The following DST variants were observed in gnomAD, a reference collection of about 807,000 sequenced individuals.
DST encodes bullous pemphigoid antigen.
In DST, 253 loss-of-function variants were observed where a neutral mutation model predicts 875.2. The ratio of observed to expected loss-of-function variants is 0.29; its 90% CI spans 0.26 to 0.32. DST has a LOEUF of 0.32. DST is among the 10% of genes least tolerant of loss of function. The probability of loss-of-function intolerance (pLI) is 1.00; values close to 1 mark genes in which losing one functional copy is unlikely to be tolerated. For synonymous variants in DST, 3,124 were observed against 3,197.1 expected, an observed-to-expected ratio of 0.98 and a Z score of 0.77; for missense variants, 8,287 against 9,111.6, an observed-to-expected ratio of 0.91 and a Z score of 3.68.
At position 56,610,513 on chromosome 6, in the gene DST, G is replaced by A; in HGVS notation, c.5197C>T (p.Gln1733Ter). Residue 1733 changes from glutamine (Q) to a stop codon, truncating the protein, a stop_gained, in exon 39 of 104, where the codon CAG becomes TAG. Transcript: ENST00000680361. LOFTEE classifies it high-confidence loss of function. ...NELEKQVKTLQESYNLLFSES... is the reference protein window; with the variant it reads ...NELEKQVKTL ...CTGAATAATAAATTATAACTTTCCTGAAGAGTTTTCACTTGTTTTTCCAAT... is the reference window on the plus strand; with the variant it reads ...CTGAATAATAAATTATAACTTTCCTAAAGAGTTTTCACTTGTTTTTCCAAT... The A allele has an allele frequency of 6.4e-7, 1 of 1,564,830 alleles. No homozygotes were observed. The highest frequency in any genetic ancestry group is 1.4e-5 in the African/African-American group (1 of 73,594).
chr6:56,856,958 C>A (rs1335619551), intron 3 of DST, among the ~76,000 whole-genome samples: 1 of 151,236 alleles, frequency 6.6e-6, no homozygotes, highest in Non-Finnish European at 1.5e-5. Context: ...ACTCTTTCAA[C>A]TTTTCTATAA....
intron 50 of DST, among the ~76,000 whole-genome samples, chr6:56,577,349 A>G (rs955679072): frequency 2.0e-5 from 3 of 152,214 alleles, no homozygotes; most frequent in African/African-American, 7.2e-5. Flanking sequence ...TAATGTGGAT[A>G]TATGAGATGC....
intron 92 of DST, among the ~76,000 whole-genome samples, chr6:56,475,394 A>AACAC (rs35690052): frequency 0.02 from 2,836 of 144,932 alleles, 40 homozygotes; most frequent in African/African-American, 0.032. Context: ...AGGCTTTTAA[A>AACAC]ACACACACAC....
chr6:56,469,049 C>T, intron 97 of DST, 50 bp from the exon 98 acceptor site: 1 of 1,458,594 alleles, frequency 6.9e-7, no homozygotes, highest in Non-Finnish European at 9.4e-7. Context: ...CAACAGGAAA[C>T]TTTCTGTATG....
At chr6:56,686,659 A>ATGAATGAAGG (rs2099189308) in intron 9 of DST, among the ~76,000 whole-genome samples, 1 of 152,194 alleles carries the variant, frequency 6.6e-6, no homozygotes, top group African/African-American at 2.4e-5. Flanking sequence ...AAATGAGAGG[A>ATGAATGAAGG]TGAATGAAGG....
chr6:56,936,928 T>C (rs1813300235), intron 2 of DST, among the ~76,000 whole-genome samples: 1 of 152,090 alleles, frequency 6.6e-6, no homozygotes, highest in South Asian at 2.1e-4. Flanking sequence ...CTTAAAATTA[T>C]CTTCCCACAG....
rs370445334 is a variant in DST, at chr6:56,783,917, C to G, written c.626-48628G>C. 1.8e-4 allele frequency among the ~76,000 whole-genome samples: 28 copies of G among 152,172 alleles called. No homozygotes were observed. The East Asian group carries it at 3.9e-3, about 21-fold the overall frequency. On this transcript the variant is annotated intron_variant, in intron 4 of 103. Coordinates refer to ENST00000680361, the MANE Select transcript of DST (RefSeq NM_001374736.1). ...CTTCAGGCGCTCTTTTAGGGCAGGC[C>G]TGGTGGTGACAAAATCTCTCAGCAT... is the stretch of plus-strand genomic sequence containing the variant.
chr6:56,938,693 G>C (rs562335513), intron 2 of DST, among the ~76,000 whole-genome samples: 1 of 152,320 alleles, frequency 6.6e-6, no homozygotes, highest in African/African-American at 2.4e-5. Flanking sequence ...AAAACAATGT[G>C]TCAGCAGAGG....
Position 56,692,695 on chromosome 6 carries a change from T to C in DST, c.1047+6958A>G, listed in dbSNP as rs532720584. 470 of 1,289,376 alleles carry C rather than the reference T, an allele frequency of 3.6e-4. 2 individuals are homozygous for C. The Middle Eastern group carries it at 8.5e-3, about 23-fold the overall frequency. The allele number at this position is 1,289,376 out of a possible 1,614,324, so 79.9% of individuals were successfully genotyped here. ...TAAATGTTTCTTCCTCTTTGCGCAA[T>C]ATGGAGTGCTGTCTTTTTCTGAAAT... On this transcript the variant is annotated intron_variant, in intron 9 of 103. Coordinates refer to ENST00000680361, the MANE Select transcript of DST (RefSeq NM_001374736.1).
intron 2 of DST, among the ~76,000 whole-genome samples, chr6:56,952,439 T>A (rs149479941): frequency 3.5e-4 from 53 of 152,374 alleles, no homozygotes; most frequent in Non-Finnish European, 6.0e-4. Flanking sequence ...CACATCTGAA[T>A]GGGCTGTTCT....
In DST at chr6:56,886,776, C is replaced by CAAA. The variant is rs35735421; in HGVS notation, c.417+13642_417+13644dup. On this transcript the variant is annotated intron_variant, in intron 3 of 103. Transcript: ENST00000680361. Reference sequence around the variant, plus strand: ...AGGCAATGAGAGTGAAACTCAGTCTCAAAAAAAAAAAAAAAAAAAAAATTC... The same window carrying CAAA: ...AGGCAATGAGAGTGAAACTCAGTCTCAAAAAAAAAAAAAAAAAAAAAAAAATTC... Among the ~76,000 whole-genome samples, 130 of 81,920 alleles carry CAAA rather than the reference C, an allele frequency of 1.6e-3. 1 individual carries two copies. The highest frequency in any genetic ancestry group is 6.6e-3 in the Middle Eastern group (1 of 152). 53.7% of individuals were successfully genotyped at this position (81,920 alleles called of 152,430 possible).
At chr6:56,716,912 T>A (rs2099396548) in intron 5 of DST, among the ~76,000 whole-genome samples, 2 of 152,162 alleles carry the variant, frequency 1.3e-5, no homozygotes, top group South Asian at 2.1e-4. Flanking sequence ...CCGGGTGCGG[T>A]GGCTCACGCC....
At chr6:56,473,285 T>C (rs539114120) in intron 93 of DST, among the ~76,000 whole-genome samples, 2 of 152,318 alleles carry the variant, frequency 1.3e-5, no homozygotes, top group African/African-American at 2.4e-5. Flanking sequence ...AATTAAAAAA[T>C]TAAGTAATAC....
At chr6:56,813,390 TAAAA>T (rs71549727) in intron 4 of DST, among the ~76,000 whole-genome samples, 18,440 of 140,604 alleles carry the variant, frequency 0.13, 1,535 homozygotes, top group Non-Finnish European at 0.19. Flanking sequence ...ATAATAATAA[TAAAA>T]AAAAAAATAA....
At chr6:56,885,569 G>A (rs1379958488) in intron 3 of DST, among the ~76,000 whole-genome samples, 1 of 152,158 alleles carries the variant, frequency 6.6e-6, no homozygotes, top group Non-Finnish European at 1.5e-5. Flanking sequence ...ATTAAGAGGA[G>A]GGGCTTTTTG....
intron 4 of DST, among the ~76,000 whole-genome samples, chr6:56,833,216 A>T (rs1200702208): frequency 6.6e-6 from 1 of 152,252 alleles, no homozygotes; most frequent in Non-Finnish European, 1.5e-5. Flanking sequence ...ACAGAAAAAA[A>T]GCAAATAATC....
chr6:56,597,822 T>A lies in DST; in HGVS notation c.12113A>T (p.Asn4038Ile). 2 of 1,613,978 alleles carry A rather than the reference T, an allele frequency of 1.2e-6. No individual in the cohort carries two copies. Among genetic ancestry groups the A allele is most frequent in the East Asian group, 4.5e-5 (2 of 44,882 alleles). The change falls in exon 47 of 104, where the codon AAT (asparagine) becomes ATT (isoleucine). Residue 4038 changes from asparagine to isoleucine, a missense_variant. Asn to Ile is a moderately radical substitution (Grantham distance 149). Coordinates refer to ENST00000680361, the MANE Select transcript of DST (RefSeq NM_001374736.1). ...KSAIGEEDEV[N>I]GNLLETDVDG... ...AACATCAGTCTCCAACAGGTTACCA[T>A]TAACTTCATCCTCTTCTCCAATTGC...
chr6:56,906,706 C>A (rs1796570784), intron 2 of DST, among the ~76,000 whole-genome samples: 1 of 152,242 alleles, frequency 6.6e-6, no homozygotes, highest in East Asian at 1.9e-4. Context: ...CTCTCTCTCA[C>A]TAGAGAGAGA....
At chr6:56,851,968 C>G (rs1765515049) in intron 3 of DST, 24 of 1,468,646 alleles carry the variant, frequency 1.6e-5, no homozygotes, top group Admixed American at 8.0e-5. Context: ...TTTGGCTCCC[C>G]CACCAGGACA....
Sources: gnomAD v4.1 joint callset for allele counts (sites outside exome capture counted in the v4.1 genomes callset) on GRCh38, gnomAD v4.1.1 for gene constraint, MANE v1.5 for transcripts, NCBI Gene and HGNC (gene_info 2026-07-23, HGNC 2026-07-21) for gene names.